Variants in NOL11 observed in about 807,000 individuals in gnomAD.
NOL11 encodes the protein nucleolar protein 11.
In NOL11, 42 loss-of-function variants were observed where a neutral mutation model predicts 93.0. The observed-to-expected ratio is 0.45, with a 90% CI of 0.35 to 0.58. The LOEUF (loss-of-function observed/expected upper bound fraction) is 0.58, where lower values mean the gene tolerates loss of function less well. Among genes scored for constraint, NOL11 ranks in the 20% least tolerant of loss-of-function variants. The pLI is 0.00. For synonymous variants in NOL11, 296 were observed against 293.7 expected (o/e 1.01, Z -0.08); for missense variants, 775 against 841.8 (o/e 0.92, Z 0.98).
At chr17:67,726,214 G>A (rs2055090568) in intron 6 of NOL11, among the ~76,000 whole-genome samples, 1 of 152,202 alleles carries the variant, frequency 6.6e-6, no homozygotes, top group South Asian at 2.1e-4. Flanking sequence ...TTAAGTTATT[G>A]CAGGTATTTA....
intron 16 of NOL11, among the ~76,000 whole-genome samples, chr17:67,742,055 A>G (rs948593541): frequency 6.6e-6 from 1 of 152,214 alleles, no homozygotes; most frequent in Non-Finnish European, 1.5e-5. Context: ...ATATTCTTGT[A>G]TATTTATGAG....
rs920462296 is a variant in NOL11, at chr17:67,724,033, C to T, written c.520-16C>T. The T allele has an allele frequency of 1.3e-6, 2 of 1,512,692 alleles. No homozygotes were observed. Among genetic ancestry groups the T allele is most frequent in the Non-Finnish European group, 1.8e-6 (2 of 1,131,634 alleles). The allele number at this position is 1,512,692 out of a possible 1,614,324, so 93.7% of individuals were successfully genotyped here. On this transcript the variant is annotated splice_polypyrimidine_tract_variant and intron_variant, in intron 5 of 17. Transcript: ENST00000253247. ...TGAAATGGGAATATTTATAAAATAACCTTTTTTTTTTGCAGCATGGAAATT... is the reference window on the plus strand; with the variant it reads ...TGAAATGGGAATATTTATAAAATAATCTTTTTTTTTTGCAGCATGGAAATT...
chr17:67,742,992 A>G (rs1426083273), intron 16 of NOL11, among the ~76,000 whole-genome samples: 2 of 152,254 alleles, frequency 1.3e-5, no homozygotes, highest in East Asian at 1.9e-4. Flanking sequence ...CTGTAGTCTT[A>G]GCACTTTGGG....
chr17:67,730,613 T>C, intron 7 of NOL11, among the ~76,000 whole-genome samples: 1 of 148,890 alleles, frequency 6.7e-6, no homozygotes, highest in South Asian at 2.2e-4. Flanking sequence ...AATTACTGGG[T>C]CATGCGTTAA....
rs1215373669 is a variant in NOL11, at chr17:67,739,063, A to G, written c.1842+53A>G. 7.2e-6 allele frequency: 9 copies of G among 1,244,304 alleles called. No homozygotes were observed. In the Admixed American group the frequency reaches 1.3e-4, roughly 18 times the overall value. The allele number at this position is 1,244,304 out of a possible 1,614,324, so 77.1% of individuals were successfully genotyped here. A position where few individuals can be genotyped will look rare whatever the true frequency, so the allele number is the denominator to read the frequency against. ...TTTTACTTCTGGTTTAAATATTGCT[A>G]TTTAACTCTAACCAGCTGTTAGGGC... On this transcript the variant is annotated intron_variant, in intron 15 of 17. Transcript: ENST00000253247.
Position 67,722,641 on chromosome 17 carries a change from A to G in NOL11, c.519+4A>G, listed in dbSNP as rs1321957042. On this transcript the variant is annotated splice_donor_region_variant and intron_variant, in intron 5 of 17. Coordinates refer to ENST00000253247, the MANE Select transcript of NOL11 (RefSeq NM_015462.5). ...TTTAATTTTTATTACTGAAAAAGTA[A>G]GTGATATCTTCAATTCCTGGCCCAT... 1 of 1,568,418 alleles carries G rather than the reference A, an allele frequency of 6.4e-7. No homozygotes were observed. Among genetic ancestry groups the G allele is most frequent in the Admixed American group, 2.1e-5 (1 of 47,844 alleles).
At chr17:67,735,555 T>G (rs1391055125) in intron 8 of NOL11, among the ~76,000 whole-genome samples, 1 of 151,898 alleles carries the variant, frequency 6.6e-6, no homozygotes, top group African/African-American at 2.4e-5. Context: ...GGTTTGTAAA[T>G]TTAGTGCATT....
intron 5 of NOL11, among the ~76,000 whole-genome samples, chr17:67,723,105 C>T (rs562366814): frequency 7.5e-4 from 114 of 151,012 alleles, no homozygotes; most frequent in Non-Finnish European, 1.4e-3. Flanking sequence ...CTCCTCCTCC[C>T]GGGTTCAAGT....
chr17:67,719,806 G>A lies in NOL11; in HGVS notation c.255+19G>A, dbSNP rs762225072. 4 of 1,514,512 alleles carry A rather than the reference G, an allele frequency of 2.6e-6. No homozygotes were observed. Among genetic ancestry groups the A allele is most frequent in the Non-Finnish European group, 3.6e-6 (4 of 1,103,742 alleles). 93.8% of individuals were successfully genotyped at this position (1,514,512 alleles called of 1,614,324 possible). Reference sequence around the variant, plus strand: ...TAATAAGGTGAGTTTTAAAACTTTTGTATAATATATACAATATAAATGTTG... The same window carrying A: ...TAATAAGGTGAGTTTTAAAACTTTTATATAATATATACAATATAAATGTTG... On this transcript the variant is annotated intron_variant, in intron 2 of 17. Coordinates refer to ENST00000253247, the MANE Select transcript of NOL11 (RefSeq NM_015462.5).
intron 16 of NOL11, among the ~76,000 whole-genome samples, chr17:67,741,898 T>G (rs1019087505): frequency 2.0e-5 from 3 of 152,184 alleles, no homozygotes; most frequent in Non-Finnish European, 4.4e-5. Context: ...CCTGGACCAG[T>G]AGACATACAT....
chr17:67,726,696 CG>C, intron 7 of NOL11, 48 bp downstream of exon 7: 1 of 1,356,454 alleles, frequency 7.4e-7, no homozygotes, highest in African/African-American at 1.5e-5. Flanking sequence ...GTTTCCTTCA[CG>C]GTGTACCTTT....
At chr17:67,741,635 G>A (rs956346921) in intron 16 of NOL11, among the ~76,000 whole-genome samples, 1 of 151,738 alleles carries the variant, frequency 6.6e-6, no homozygotes, top group African/African-American at 2.4e-5. Flanking sequence ...GCAGTGGTGC[G>A]ATCTTGGCTT....
At position 67,719,757 on chromosome 17, in the gene NOL11, T is replaced by A. The variant is rs1366135933; in HGVS notation, c.225T>A (p.Thr75=). The A allele has an allele frequency of 1.2e-5, 19 of 1,608,766 alleles. No homozygotes were observed. The East Asian group carries it at 4.0e-4, about 34-fold the overall frequency. The part of the protein sequence containing the change: ...ITCPAVCNFQ[T]GEYVVVHDNK... The stretch of plus-strand genomic sequence containing the variant: ...GTCCAGCTGTGTGCAACTTTCAAAC[T>A]GGAGAGTATGTTGTTGTACACGATA... Residue 75 remains threonine, a synonymous_variant, in exon 2 of 18, where the codon ACT becomes ACA. Coordinates refer to ENST00000253247, the MANE Select transcript of NOL11 (RefSeq NM_015462.5).
intron 5 of NOL11, 74 bp downstream of exon 5, chr17:67,722,711 G>T (rs544184507): frequency 1.5e-4 from 221 of 1,489,940 alleles, no homozygotes; most frequent in Non-Finnish European, 1.9e-4. Flanking sequence ...TAGAGACAGG[G>T]TGTTGCCCTG....
At chr17:67,725,309 C>T (rs958235193) in intron 6 of NOL11, among the ~76,000 whole-genome samples, 1 of 152,036 alleles carries the variant, frequency 6.6e-6, no homozygotes, top group Non-Finnish European at 1.5e-5. Context: ...GCAGCTTTGG[C>T]CCATGCCAGT....
chr17:67,727,753 C>A (rs2055110201), intron 7 of NOL11, among the ~76,000 whole-genome samples: 1 of 151,494 alleles, frequency 6.6e-6, no homozygotes, highest in East Asian at 1.9e-4. Context: ...TGCTTGAGGC[C>A]AGGAGTTCGA....
At chr17:67,737,291 C>A in intron 11 of NOL11, 146 bp downstream of exon 11, 1 of 686,932 alleles carries the variant, frequency 1.5e-6, no homozygotes, top group Non-Finnish European at 2.5e-6. Context: ...AGAGTTGATC[C>A]GATATTTTGG....
rs1466442083 is a variant in NOL11 at position 67,744,523 on chromosome 17, TCTC to T, written c.*669_*671del. On this transcript the variant is annotated 3_prime_UTR_variant, in exon 18 of 18. Transcript: ENST00000253247. ...CACATGTGGCCGTTAATAAACAGGTTCTCCTCCATTGTTTTTAATCTCTCAGTA... is the reference window on the plus strand; with the variant it reads ...CACATGTGGCCGTTAATAAACAGGTTCTCCATTGTTTTTAATCTCTCAGTA... The T allele has an allele frequency of 6.6e-6, 1 of 152,330 alleles. No homozygotes were observed. The highest frequency in any genetic ancestry group is 6.5e-5 in the Admixed American group (1 of 15,300). The allele number at this position is 152,330 out of a possible 1,614,324, so 9.4% of individuals were successfully genotyped here. A position where few individuals can be genotyped will look rare whatever the true frequency, so the allele number is the denominator to read the frequency against.
intron 6 of NOL11, among the ~76,000 whole-genome samples, chr17:67,725,405 A>G (rs1324997504): frequency 6.6e-6 from 1 of 152,190 alleles, no homozygotes; most frequent in Middle Eastern, 3.2e-3. Flanking sequence ...GGAAGAAAAA[A>G]AAAAGTCTTT....
Sources: allele counts gnomAD v4.1 joint callset (sites outside exome capture counted in the v4.1 genomes callset), GRCh38; gene constraint gnomAD v4.1.1; transcripts MANE v1.5; gene names NCBI Gene and HGNC (gene_info 2026-07-23, HGNC 2026-07-21).